ATP2B2: variants seen among roughly 807,000 people sequenced by gnomAD.
ATP2B2 encodes the protein plasma membrane calcium-transporting ATPase 2.
ATP2B2 carries 15 observed loss-of-function variants against 120.0 expected under a neutral mutation model. That is an observed-to-expected ratio of 0.12 (90% confidence interval 0.08 to 0.19). The LOEUF is 0.19. Ranked by LOEUF, ATP2B2 falls within the 10% of genes least tolerant of loss-of-function variation. The pLI, the probability that ATP2B2 is intolerant of heterozygous loss-of-function variation, is 1.00. For synonymous variants in ATP2B2, 694 were observed against 700.3 expected (o/e 0.99, Z 0.14); for missense variants, 1,045 against 1,719.8 (o/e 0.61, Z 6.94).
At chr3:10,667,977 C>G (rs1464837413) in intron 1 of ATP2B2, among the ~76,000 whole-genome samples, 1 of 148,732 alleles carries the variant, frequency 6.7e-6, no homozygotes, top group Non-Finnish European at 1.5e-5. Context: ...AAAGAAATCA[C>G]TGAACGAGGA....
intron 2 of ATP2B2, among the ~76,000 whole-genome samples, chr3:10,557,282 G>A (rs921512243): frequency 2.0e-5 from 3 of 152,236 alleles, no homozygotes; most frequent in South Asian, 2.1e-4. Context: ...GTAGGCAGAC[G>A]CTTGGGAAGT....
Position 10,522,939 on chromosome 3 carries a change from G to A in ATP2B2, c.-320+11100C>T, listed in dbSNP as rs192289254. Among the ~76,000 whole-genome samples the A allele has an allele frequency of 2.0e-5, 3 of 152,350 alleles. No individual in the cohort carries two copies. The East Asian group carries it at 5.8e-4, about 29-fold the overall frequency. The stretch of plus-strand genomic sequence containing the variant: ...CCCAGGGTTGCTCTGAGGACTACAG[G>A]AGAGGACACAGGTGGAAGAATTAGC... On this transcript the variant is annotated intron_variant, in intron 3 of 21. Coordinates refer to the ATP2B2 transcript ENST00000646379.
chr3:10,646,614 C>G (rs943708274), intron 1 of ATP2B2, among the ~76,000 whole-genome samples: 2 of 152,122 alleles, frequency 1.3e-5, no homozygotes, highest in Non-Finnish European at 2.9e-5. Context: ...CCCCAAAGCC[C>G]CTCCCTGGCG....
chr3:10,456,994 A>C lies in ATP2B2; in HGVS notation c.-319-7132T>G, dbSNP rs76548701. Among the ~76,000 whole-genome samples the C allele has an allele frequency of 1.9e-3, 291 of 152,298 alleles. 1 individual carries two copies. The highest frequency in any genetic ancestry group is 6.8e-3 in the African/African-American group (284 of 41,554). ...CAGAGAGCCTCAGCCATTCTCTTAG[A>C]TATCCTCTCTGGGGGAGGCAATTTC... On this transcript the variant is annotated intron_variant, in intron 1 of 22. Coordinates refer to ENST00000360273, the MANE Select transcript of ATP2B2 (RefSeq NM_001001331.4).
chr3:10,530,206 G>A (rs1485599695), intron 3 of ATP2B2, among the ~76,000 whole-genome samples: 2 of 152,094 alleles, frequency 1.3e-5, no homozygotes, highest in South Asian at 2.1e-4. Flanking sequence ...TTCCCACCGG[G>A]GACCACCAAA....
At position 10,643,957 on chromosome 3, in the gene ATP2B2, G is replaced by A. The variant is rs369366155; in HGVS notation, c.-459-23996C>T. Among the ~76,000 whole-genome samples, 14 of 152,260 alleles carry A rather than the reference G, an allele frequency of 9.2e-5. No individual in the cohort carries two copies. The South Asian group carries it at 1.2e-3, about 14-fold the overall frequency. ...ATTAAAATAAAGCACTTTCATTCATGAAAGGACATTGTCAAGAAAGTGAAA... is the reference window on the plus strand; with the variant it reads ...ATTAAAATAAAGCACTTTCATTCATAAAAGGACATTGTCAAGAAAGTGAAA... On this transcript the variant is annotated intron_variant, in intron 1 of 21. Coordinates refer to the ATP2B2 transcript ENST00000646379.
At chr3:10,481,130 G>A (rs2065394863) in intron 1 of ATP2B2, among the ~76,000 whole-genome samples, 1 of 152,222 alleles carries the variant, frequency 6.6e-6, no homozygotes, top group South Asian at 2.1e-4. Context: ...CTGGGAAATG[G>A]AAAGACTTCA....
At chr3:10,482,837 C>T (rs1318012766) in intron 1 of ATP2B2, among the ~76,000 whole-genome samples, 1 of 152,246 alleles carries the variant, frequency 6.6e-6, no homozygotes, top group Non-Finnish European at 1.5e-5. Flanking sequence ...CCAGGCCTGC[C>T]ACCGCTCCCA....
chr3:10,532,691 G>A lies in ATP2B2; in HGVS notation c.-320+1348C>T, dbSNP rs56805656. Among the ~76,000 whole-genome samples the A allele has an allele frequency of 0.012, 1,824 of 152,298 alleles. 92 individuals are homozygous for A. The East Asian group carries it at 0.17, about 14-fold the overall frequency. ...AATGTGTTTGGAAACAATCTGGTTCGTCCCAAAGTGCTTGGGCAAGAAACC... is the reference window on the plus strand; with the variant it reads ...AATGTGTTTGGAAACAATCTGGTTCATCCCAAAGTGCTTGGGCAAGAAACC... On this transcript the variant is annotated intron_variant, in intron 3 of 21. Coordinates refer to the ATP2B2 transcript ENST00000646379.
intron 2 of ATP2B2, 146 bp downstream of exon 2, chr3:10,449,199 C>A: frequency 1.1e-6 from 1 of 945,558 alleles, no homozygotes; most frequent in Non-Finnish European, 1.6e-6. Context: ...TGATACTCAG[C>A]TAGAATGCAC....
rs866956087 is a variant in ATP2B2 at position 10,654,037 on chromosome 3, T to G, written c.-459-34076A>C. On this transcript the variant is annotated intron_variant, in intron 1 of 21. Coordinates refer to the ATP2B2 transcript ENST00000646379. ...ACCTCATTATTGCTGAACTCTTACT[T>G]GGCTCCTGGAAATGAGTTAGGCATT... Among the ~76,000 whole-genome samples, 698 of 152,298 alleles carry G rather than the reference T, an allele frequency of 4.6e-3. 4 individuals carry two copies. Among genetic ancestry groups the G allele is most frequent in the African/African-American group, 0.016 (662 of 41,566 alleles).
intron 2 of ATP2B2, among the ~76,000 whole-genome samples, chr3:10,412,303 C>T (rs111667184): frequency 2.0e-5 from 3 of 152,212 alleles, no homozygotes; most frequent in African/African-American, 4.8e-5. Flanking sequence ...GGGTGAACCT[C>T]TCATGGAGGA....
At chr3:10,336,157 C>G in intron 22 of ATP2B2, 2 of 1,550,590 alleles carry the variant, frequency 1.3e-6, no homozygotes, top group Non-Finnish European at 1.7e-6. Flanking sequence ...GAAGGCTGGT[C>G]GGAGAGGAAA....
At chr3:10,482,586 C>A (rs947510990) in intron 1 of ATP2B2, among the ~76,000 whole-genome samples, 9 of 152,206 alleles carry the variant, frequency 5.9e-5, no homozygotes, top group Non-Finnish European at 8.8e-5. Flanking sequence ...AACCCTAGAG[C>A]ATGGTGGCCA....
chr3:10,699,631 T>C (rs2071787959), intron 1 of ATP2B2, among the ~76,000 whole-genome samples: 4 of 152,160 alleles, frequency 2.6e-5, no homozygotes, highest in African/African-American at 9.7e-5. Context: ...ATGTGATAGT[T>C]TAAGTGTGTT....
At chr3:10,372,087 G>A in intron 11 of ATP2B2, 36 bp from the exon 12 acceptor site, 1 of 1,614,084 alleles carries the variant, frequency 6.2e-7, no homozygotes, top group Non-Finnish European at 8.5e-7. Context: ...CAACAGTGAG[G>A]AGAGGGGCTG....
At chr3:10,663,269 C>A (rs911452242) in intron 1 of ATP2B2, among the ~76,000 whole-genome samples, 1 of 152,036 alleles carries the variant, frequency 6.6e-6, no homozygotes, top group African/African-American at 2.4e-5. Context: ...GTGGCTGAAA[C>A]TTCCCAATCC....
At chr3:10,671,994 A>G (rs1217284922) in intron 1 of ATP2B2, among the ~76,000 whole-genome samples, 1 of 152,242 alleles carries the variant, frequency 6.6e-6, no homozygotes, top group Non-Finnish European at 1.5e-5. Context: ...TGAGTTACAT[A>G]GTAATATTTA....
intron 12 of ATP2B2, among the ~76,000 whole-genome samples, chr3:10,371,559 G>C (rs1424623840): frequency 6.6e-6 from 1 of 152,208 alleles, no homozygotes; most frequent in Non-Finnish European, 1.5e-5. Context: ...TGTGTGGGCA[G>C]GGGGAGTGGG....
Sources: gnomAD v4.1 joint callset for allele counts (sites outside exome capture counted in the v4.1 genomes callset) on GRCh38, gnomAD v4.1.1 for gene constraint, MANE v1.5 for transcripts, NCBI Gene and HGNC (gene_info 2026-07-23, HGNC 2026-07-21) for gene names.